PRELID2: variants seen among roughly 807,000 people sequenced by gnomAD.
The protein encoded by PRELID2 is PRELI domain containing 2.
In PRELID2, 25 loss-of-function variants were observed where a neutral mutation model predicts 28.4. The observed-to-expected ratio is 0.88, with a 90% confidence interval of 0.64 to 1.23. The LOEUF (loss-of-function observed/expected upper bound fraction) is 1.23, where lower values mean the gene tolerates loss of function less well. Among genes scored for constraint, PRELID2 ranks in the 50% most tolerant of loss-of-function variants. PRELID2 has a pLI of 0.00. For missense variants in PRELID2, 201 were observed against 214.4 expected (o/e 0.94, Z 0.39); for synonymous variants, 76 against 71.6 (o/e 1.06, Z -0.31).
At chr5:145,427,035 C>A in the PRELID2 span, among the ~76,000 whole-genome samples, 1 of 152,186 alleles carries the variant, frequency 6.6e-6, no homozygotes, top group Non-Finnish European at 1.5e-5. Context: ...GGACAAGGTA[C>A]AGAACGGATC....
chr5:145,293,888 G>A, the PRELID2 span, among the ~76,000 whole-genome samples: 2 of 152,108 alleles, frequency 1.3e-5, no homozygotes, highest in African/African-American at 2.4e-5. Context: ...AAAGCTACCT[G>A]GCCAATGGCA....
chr5:145,259,730 A>C, the PRELID2 span, among the ~76,000 whole-genome samples: 1 of 152,202 alleles, frequency 6.6e-6, no homozygotes, highest in Admixed American at 6.5e-5. Flanking sequence ...GCCTTGTCTC[A>C]GATGAGACTC....
At chr5:145,622,554 A>T (rs1897582) in intron 1 of PRELID2, among the ~76,000 whole-genome samples, 19,721 of 152,122 alleles carry the variant, frequency 0.13, 1,812 homozygotes, top group African/African-American at 0.23. Flanking sequence ...AATAATATTT[A>T]TTGTGTATTC....
intron 1 of PRELID2, among the ~76,000 whole-genome samples, chr5:145,502,221 T>C (rs1324676652): frequency 6.6e-6 from 1 of 152,048 alleles, no homozygotes; most frequent in Non-Finnish European, 1.5e-5. Flanking sequence ...TTCACATGGC[T>C]GGAGCAGGAG....
the PRELID2 span, among the ~76,000 whole-genome samples, chr5:145,294,976 T>G: frequency 6.6e-6 from 1 of 152,118 alleles, no homozygotes. Flanking sequence ...ACATCAGAGC[T>G]TCACAGCCAT....
intron 1 of PRELID2, among the ~76,000 whole-genome samples, chr5:145,647,329 C>T (rs1404331049): frequency 1.3e-5 from 2 of 152,150 alleles, no homozygotes; most frequent in Admixed American, 1.3e-4. Flanking sequence ...GAGAGTAAAA[C>T]CGCCTACTCA....
chr5:145,525,096 CTCATTCAACCT>C (rs2126654648), intron 1 of PRELID2, among the ~76,000 whole-genome samples: 1 of 152,286 alleles, frequency 6.6e-6, no homozygotes, highest in African/African-American at 2.4e-5. Flanking sequence ...GCTGTGTTAT[CTCATTCAACCT>C]TCACAGTCAG....
chr5:145,252,728 TA>T, the PRELID2 span, among the ~76,000 whole-genome samples: 666 of 152,176 alleles, frequency 4.4e-3, 4 homozygotes, highest in African/African-American at 0.015. Context: ...AGTTATTGTT[TA>T]AAAGGTACAG....
chr5:145,673,970 A>G (rs1561540173), intron 1 of PRELID2, among the ~76,000 whole-genome samples: 2 of 152,212 alleles, frequency 1.3e-5, no homozygotes, highest in African/African-American at 4.8e-5. Context: ...TTGGCAGTGC[A>G]CACAAAGTTA....
intron 1 of PRELID2, among the ~76,000 whole-genome samples, chr5:145,546,206 G>C (rs894894072): frequency 6.7e-6 from 1 of 150,154 alleles, no homozygotes; most frequent in Non-Finnish European, 1.5e-5. Context: ...ATGAGGTCAA[G>C]CGAATAACAT....
intron 1 of PRELID2, among the ~76,000 whole-genome samples, chr5:145,729,710 C>T (rs1172130396): frequency 2.0e-5 from 3 of 152,174 alleles, no homozygotes; most frequent in East Asian, 1.9e-4. Context: ...ATTCCTTCAC[C>T]GGGGTCTTTC....
chr5:145,556,003 C>T (rs923203473), intron 1 of PRELID2, among the ~76,000 whole-genome samples: 1 of 151,800 alleles, frequency 6.6e-6, no homozygotes, highest in Non-Finnish European at 1.5e-5. Flanking sequence ...CACAGTGAAA[C>T]CCCGTCTCTA....
At chr5:145,393,869 G>A in the PRELID2 span, among the ~76,000 whole-genome samples, 1 of 152,170 alleles carries the variant, frequency 6.6e-6, no homozygotes, top group Admixed American at 6.6e-5. Flanking sequence ...TCTGTGCATT[G>A]TGTTTGTTGG....
chr5:145,392,810 T>C, the PRELID2 span, among the ~76,000 whole-genome samples: 1 of 152,116 alleles, frequency 6.6e-6, no homozygotes, highest in Non-Finnish European at 1.5e-5. Context: ...ACACGAATGT[T>C]CTTCCAAGTA....
the PRELID2 span, among the ~76,000 whole-genome samples, chr5:145,378,759 C>A: frequency 1.4e-4 from 21 of 152,118 alleles, no homozygotes; most frequent in African/African-American, 4.8e-4. Context: ...ATCTTCATTT[C>A]TATTCATATT....
At chr5:145,705,765 C>T (rs1367126715) in intron 1 of PRELID2, among the ~76,000 whole-genome samples, 6 of 152,088 alleles carry the variant, frequency 3.9e-5, no homozygotes, top group Non-Finnish European at 5.9e-5. Context: ...AATAGATGTG[C>T]TTGTGTTCCA....
the PRELID2 span, among the ~76,000 whole-genome samples, chr5:145,444,630 C>T: frequency 6.6e-6 from 1 of 151,840 alleles, no homozygotes; most frequent in Non-Finnish European, 1.5e-5. Flanking sequence ...TGCCATTAGC[C>T]CCCTCCCTTT....
At chr5:145,548,363 T>C (rs763731267) in intron 1 of PRELID2, among the ~76,000 whole-genome samples, 3 of 152,096 alleles carry the variant, frequency 2.0e-5, no homozygotes, top group African/African-American at 4.8e-5. Context: ...AAAGGGGAAA[T>C]ATTTAAGAGA....
chr5:145,767,134 C>G (rs1159807327), intron 5 of PRELID2, among the ~76,000 whole-genome samples: 1 of 136,292 alleles, frequency 7.3e-6, no homozygotes, highest in South Asian at 2.9e-4. Context: ...CACCCCACCC[C>G]CCACCCTGTA....
Sources: gnomAD v4.1 joint callset for allele counts (sites outside exome capture counted in the v4.1 genomes callset) on GRCh38, gnomAD v4.1.1 for gene constraint, MANE v1.5 for transcripts, NCBI Gene and HGNC (gene_info 2026-07-23, HGNC 2026-07-21) for gene names.